The following CLNK variants were observed in gnomAD, a reference collection of about 807,000 sequenced individuals.
CLNK encodes cytokine-dependent hematopoietic cell linker.
CLNK carries 74 observed loss-of-function variants against 68.6 expected under a neutral mutation model. The ratio of observed to expected loss-of-function variants is 1.08; its 90% CI spans 0.89 to 1.31. The LOEUF is 1.31. CLNK is among the 50% of genes most tolerant of loss of function. CLNK has a pLI of 0.00. For missense variants in CLNK, 553 were observed against 515.3 expected (o/e 1.07, Z -0.71); for synonymous variants, 198 against 172.2 (o/e 1.15, Z -1.17).
intron 18 of CLNK, among the ~76,000 whole-genome samples, chr4:10,493,930 C>G (rs1219928974): frequency 3.3e-5 from 5 of 152,202 alleles, no homozygotes; most frequent in Admixed American, 3.3e-4. Flanking sequence ...GGAATTGATG[C>G]ATATGCAGTA....
At chr4:10,553,652 C>T (rs1002047374) in intron 8 of CLNK, among the ~76,000 whole-genome samples, 1 of 152,134 alleles carries the variant, frequency 6.6e-6, no homozygotes, top group Non-Finnish European at 1.5e-5. Flanking sequence ...CAGGGTGTCA[C>T]CACGTTGGCC....
chr4:10,529,674 T>TC (rs1447691450), intron 12 of CLNK, among the ~76,000 whole-genome samples: 4 of 152,204 alleles, frequency 2.6e-5, no homozygotes, highest in Non-Finnish European at 5.9e-5. Context: ...CTACTGAGTC[T>TC]CCCCCAGGAC....
At chr4:10,673,389 C>G (rs536479340) in intron 1 of CLNK, among the ~76,000 whole-genome samples, 1 of 152,062 alleles carries the variant, frequency 6.6e-6, no homozygotes, top group Non-Finnish European at 1.5e-5. Context: ...TTGCCCTGGA[C>G]AGAACTTCCA....
intron 2 of CLNK, among the ~76,000 whole-genome samples, chr4:10,605,726 G>C (rs1255306446): frequency 1.3e-5 from 2 of 151,176 alleles, no homozygotes; most frequent in African/African-American, 2.4e-5. Context: ...TACTTGGGAG[G>C]CTGAGGCAGG....
chr4:10,574,206 C>T (rs969770984), intron 4 of CLNK, among the ~76,000 whole-genome samples: 1 of 152,150 alleles, frequency 6.6e-6, no homozygotes, highest in African/African-American at 2.4e-5. Flanking sequence ...ACTAGGTGCC[C>T]TGTGTGGCCC....
chr4:10,641,474 C>A (rs1354996600), intron 2 of CLNK, among the ~76,000 whole-genome samples: 1 of 152,102 alleles, frequency 6.6e-6, no homozygotes, highest in African/African-American at 2.4e-5. Context: ...GACCCCATTG[C>A]CCTTGGGATA....
chr4:10,630,122 TG>T (rs1297681517), intron 2 of CLNK, among the ~76,000 whole-genome samples: 1 of 152,172 alleles, frequency 6.6e-6, no homozygotes, highest in African/African-American at 2.4e-5. Flanking sequence ...TCCAGAAAAT[TG>T]GATTATTGTC....
At chr4:10,497,876 T>G (rs1428493610) in intron 18 of CLNK, among the ~76,000 whole-genome samples, 1 of 152,256 alleles carries the variant, frequency 6.6e-6, no homozygotes, top group Non-Finnish European at 1.5e-5. Flanking sequence ...AAAAGAACCC[T>G]TAAACCCAAG....
chr4:10,524,019 AAAG>A, intron 14 of CLNK: 1 of 231,108 alleles, frequency 4.3e-6, no homozygotes, highest in Non-Finnish European at 9.0e-6. Flanking sequence ...TCTCAAAGAA[AAAG>A]AAAGAAAGAA....
intron 1 of CLNK, among the ~76,000 whole-genome samples, chr4:10,671,501 C>A (rs1240862078): frequency 2.0e-5 from 3 of 152,214 alleles, no homozygotes; most frequent in African/African-American, 7.2e-5. Context: ...GGGGAAACAG[C>A]TGTGCTCTAC....
chr4:10,671,385 T>TA (rs35375153), intron 1 of CLNK, among the ~76,000 whole-genome samples: 4 of 150,210 alleles, frequency 2.7e-5, no homozygotes, highest in Admixed American at 6.6e-5. Context: ...AAACTCTATC[T>TA]AAAAAAAAAA....
rs1423785749 is a variant in CLNK at position 10,568,786 on chromosome 4, G to A, written c.151-2636C>T. 1.3e-5 allele frequency among the ~76,000 whole-genome samples: 2 copies of A among 152,210 alleles called. 1 individual carries two copies. Among genetic ancestry groups the A allele is most frequent in the African/African-American group, 4.8e-5 (2 of 41,446 alleles). ...CAGCCCTGCCAGCATGTTGCTTTCAGTCTTGTGAGACCCAGAACAGGGGAA... is the reference window on the plus strand; with the variant it reads ...CAGCCCTGCCAGCATGTTGCTTTCAATCTTGTGAGACCCAGAACAGGGGAA... On this transcript the variant is annotated intron_variant, in intron 5 of 18. Transcript: ENST00000226951.
At chr4:10,533,016 G>T (rs890543065) in intron 11 of CLNK, among the ~76,000 whole-genome samples, 3 of 152,224 alleles carry the variant, frequency 2.0e-5, no homozygotes, top group African/African-American at 7.2e-5. Flanking sequence ...CCAGCACTTT[G>T]GGAGGCTGAG....
chr4:10,715,355 C>T, the CLNK span, among the ~76,000 whole-genome samples: 45,300 of 152,108 alleles, frequency 0.3, 6,943 homozygotes, highest in African/African-American at 0.32. Flanking sequence ...CCCGCCCCAT[C>T]ATAATAGAAC....
At chr4:10,660,705 T>C (rs6836615) in intron 2 of CLNK, among the ~76,000 whole-genome samples, 51,892 of 152,006 alleles carry the variant, frequency 0.34, 8,935 homozygotes, top group African/African-American at 0.39. Flanking sequence ...CAGCAGCTGG[T>C]AATCTTGCCA....
intron 11 of CLNK, among the ~76,000 whole-genome samples, chr4:10,538,167 C>T (rs933732847): frequency 1.3e-5 from 2 of 151,968 alleles, no homozygotes; most frequent in African/African-American, 2.4e-5. Context: ...CCTCTGTCGC[C>T]CTCTGTCGCT....
At chr4:10,603,236 C>T (rs1721658807) in intron 2 of CLNK, among the ~76,000 whole-genome samples, 1 of 152,168 alleles carries the variant, frequency 6.6e-6, no homozygotes, top group Admixed American at 6.5e-5. Flanking sequence ...TCTTAAGCCA[C>T]AGTTCTCTTT....
At chr4:10,674,224 G>A (rs1011482002) in intron 1 of CLNK, among the ~76,000 whole-genome samples, 5 of 150,446 alleles carry the variant, frequency 3.3e-5, no homozygotes, top group Non-Finnish European at 7.4e-5. Context: ...AGAAGGAGAC[G>A]TGTTGGGTGG....
chr4:10,617,445 A>G (rs1311223253), intron 2 of CLNK, among the ~76,000 whole-genome samples: 1 of 152,192 alleles, frequency 6.6e-6, no homozygotes, highest in Non-Finnish European at 1.5e-5. Flanking sequence ...ACGAACTACC[A>G]TGTGATATGT....
Sources: allele counts gnomAD v4.1 joint callset (sites outside exome capture counted in the v4.1 genomes callset), GRCh38; gene constraint gnomAD v4.1.1; transcripts MANE v1.5; gene names NCBI Gene and HGNC (gene_info 2026-07-23, HGNC 2026-07-21).